The following FGD5 variants were observed in gnomAD, a reference collection of about 807,000 sequenced individuals.
The protein encoded by FGD5 is FYVE, RhoGEF and PH domain-containing protein 5.
A neutral mutation model predicts 133.4 loss-of-function variants in FGD5; 28 were observed. The observed-to-expected ratio is 0.21, with a 90% CI of 0.16 to 0.29. FGD5 has a LOEUF of 0.29. FGD5 is among the 10% of genes least tolerant of loss of function. The pLI is 1.00. For missense variants in FGD5, 1,858 were observed against 1,895.2 expected (o/e 0.98, Z 0.36); for synonymous variants, 810 against 776.5 (o/e 1.04, Z -0.72).
chr3:14,836,329 C>G (rs1359672336), intron 1 of FGD5, among the ~76,000 whole-genome samples: 1 of 152,190 alleles, frequency 6.6e-6, no homozygotes, highest in Non-Finnish European at 1.5e-5. Flanking sequence ...CCCAAGTTTG[C>G]TTGCCGGCTG....
intron 10 of FGD5, among the ~76,000 whole-genome samples, chr3:14,909,396 CG>C (rs2038403604): frequency 6.6e-6 from 1 of 152,184 alleles, no homozygotes; most frequent in African/African-American, 2.4e-5. Flanking sequence ...AATAGTTCCA[CG>C]GGTCAAACAG....
At chr3:14,929,347 C>G (rs1364880275) in intron 18 of FGD5, among the ~76,000 whole-genome samples, 1 of 152,142 alleles carries the variant, frequency 6.6e-6, no homozygotes, top group African/African-American at 2.4e-5. Context: ...TTTTATTTCA[C>G]TTGGGTCATT....
chr3:14,866,715 T>C (rs966268858), intron 2 of FGD5, among the ~76,000 whole-genome samples: 2 of 152,234 alleles, frequency 1.3e-5, no homozygotes, highest in African/African-American at 4.8e-5. Flanking sequence ...GAGCTTTTGA[T>C]TGAGACTAGG....
In FGD5 at chr3:14,820,967, C is replaced by T. The variant is rs146583232; in HGVS notation, c.1896C>T (p.Ser632=). The T allele has an allele frequency of 1.4e-4, 224 of 1,613,982 alleles. No homozygotes were observed. In the African/African-American group the frequency reaches 2.9e-3, roughly 21 times the overall value. The part of the protein sequence containing the change: ...ACITKKPITK[S]SPSLLIESDS... ...TCACCAAGAAGCCCATCACAAAGAG[C>T]TCTCCCTCACTCCTGATCGAGAGCG... The change falls in exon 1 of 20, where the codon AGC becomes AGT. Residue 632 remains serine, a synonymous_variant. Coordinates refer to ENST00000285046, the MANE Select transcript of FGD5 (RefSeq NM_152536.4).
At chr3:14,914,934 A>G (rs1308420942) in intron 11 of FGD5, among the ~76,000 whole-genome samples, 1 of 152,240 alleles carries the variant, frequency 6.6e-6, no homozygotes, top group African/African-American at 2.4e-5. Flanking sequence ...CACTCTTAGA[A>G]GGCAGGGCAA....
intron 1 of FGD5, among the ~76,000 whole-genome samples, chr3:14,844,492 G>A (rs1392225293): frequency 2.6e-5 from 4 of 151,296 alleles, no homozygotes; most frequent in Admixed American, 2.0e-4. Flanking sequence ...GAAGGCAGAG[G>A]AGAAATAGCC....
At chr3:14,886,238 C>A (rs1394443207) in intron 4 of FGD5, among the ~76,000 whole-genome samples, 1 of 152,204 alleles carries the variant, frequency 6.6e-6, no homozygotes, top group African/African-American at 2.4e-5. Context: ...TGTCTCCCAG[C>A]TGGGTTAGTC....
At chr3:14,898,513 C>A (rs1319915248) in intron 6 of FGD5, among the ~76,000 whole-genome samples, 1 of 151,954 alleles carries the variant, frequency 6.6e-6, no homozygotes, top group Non-Finnish European at 1.5e-5. Flanking sequence ...AGGCTTGATA[C>A]TGAGTGTAGC....
intron 9 of FGD5, among the ~76,000 whole-genome samples, 180 bp from the exon 10 acceptor site, chr3:14,907,460 G>A (rs768208080): frequency 3.3e-5 from 5 of 152,224 alleles, no homozygotes; most frequent in Admixed American, 6.5e-5. Context: ...CCATGGTGGT[G>A]GCTCCCTGCA....
chr3:14,930,494 G>A (rs1427598014), intron 18 of FGD5, among the ~76,000 whole-genome samples: 3 of 152,102 alleles, frequency 2.0e-5, no homozygotes, highest in Non-Finnish European at 4.4e-5. Context: ...CTACTTGTGA[G>A]GCCGAGGCAT....
chr3:14,932,688 C>T lies in FGD5; in HGVS notation c.4309C>T (p.Leu1437=), dbSNP rs368964874. 7 of 1,613,974 alleles carry T rather than the reference C, an allele frequency of 4.3e-6. No individual in the cohort carries two copies. Among genetic ancestry groups the T allele is most frequent in the East Asian group, 2.2e-5 (1 of 44,884 alleles). The change falls in exon 19 of 20, where the codon CTA becomes TTA. Residue 1437 remains leucine (L), a synonymous_variant. Transcript: ENST00000285046. ...PIFHLYHKKT[L]FYSFKAEDTN... ...TTTTCACCTTTACCACAAGAAAACC[C>T]TATTTTATAGCTTCAAAGCAGAAGA... is the stretch of plus-strand genomic sequence containing the variant.
At chr3:14,834,673 G>A (rs368480269) in intron 1 of FGD5, among the ~76,000 whole-genome samples, 15 of 152,298 alleles carry the variant, frequency 9.8e-5, no homozygotes, top group East Asian at 9.6e-4. Context: ...TTAATCAGAC[G>A]TTTGCAGAAC....
rs776809083 is a variant in FGD5 at position 14,932,617 on chromosome 3, C to G, written c.4238C>G (p.Thr1413Ser). The change falls in exon 19 of 20, where the codon ACC (threonine) becomes AGC (serine). Residue 1413 changes from threonine (T) to serine (S), a missense_variant. Thr to Ser is a moderately conservative substitution (Grantham distance 58, BLOSUM62 1). This residue lies in a region of FGD5 where 1,824 missense variants were observed against 1,848.9 expected (regional missense o/e 0.99). Transcript: ENST00000285046. Reference sequence around the variant, plus strand: ...GAGAGTATGCCTCTGCTAGGCTTCACCATTGCTCCAGAAAAGGAAGAGGGC... The same window carrying G: ...GAGAGTATGCCTCTGCTAGGCTTCAGCATTGCTCCAGAAAAGGAAGAGGGC... ...ALESMPLLGF[T>S]IAPEKEEGSS... 1.9e-6 allele frequency: 3 copies of G among 1,613,884 alleles called. No individual in the cohort carries two copies. The highest frequency in any genetic ancestry group is 1.3e-5 in the African/African-American group (1 of 74,942).
chr3:14,812,467 G>C (rs947034037), intron 1 of FGD5, among the ~76,000 whole-genome samples: 1 of 152,220 alleles, frequency 6.6e-6, no homozygotes, highest in African/African-American at 2.4e-5. Context: ...CCTTCTCTGA[G>C]AATCTGGGGG....
intron 1 of FGD5, among the ~76,000 whole-genome samples, chr3:14,860,714 C>T (rs2037381425): frequency 6.6e-6 from 1 of 151,986 alleles, no homozygotes; most frequent in South Asian, 2.1e-4. Context: ...TGGCATATAC[C>T]TATAATTCCA....
At chr3:14,931,539 C>T (rs2038899288) in intron 18 of FGD5, 1 of 152,162 alleles carries the variant, frequency 6.6e-6, no homozygotes. Flanking sequence ...CCTCCCACCA[C>T]CATTCTAATA....
intron 1 of FGD5, among the ~76,000 whole-genome samples, chr3:14,843,895 A>G (rs1305755686): frequency 6.6e-6 from 1 of 151,440 alleles, no homozygotes; most frequent in Non-Finnish European, 1.5e-5. Context: ...GGTTTTCGCC[A>G]TGTTGGCCAG....
At chr3:14,896,688 C>A (rs2038145890) in intron 4 of FGD5, among the ~76,000 whole-genome samples, 1 of 152,166 alleles carries the variant, frequency 6.6e-6, no homozygotes, top group South Asian at 2.1e-4. Context: ...TCAGGCTGGT[C>A]TTGAACTCCT....
intron 17 of FGD5, among the ~76,000 whole-genome samples, chr3:14,925,126 A>AAAAAC (rs1203220701): frequency 6.3e-5 from 8 of 127,554 alleles, no homozygotes; most frequent in East Asian, 2.5e-4. Context: ...AAAAAAAAAA[A>AAAAAC]AACACATACA....
Sources: allele counts gnomAD v4.1 joint callset (sites outside exome capture counted in the v4.1 genomes callset), GRCh38; gene constraint gnomAD v4.1.1; regional missense constraint gnomAD v4.1.1; transcripts MANE v1.5; gene names NCBI Gene and HGNC (gene_info 2026-07-23, HGNC 2026-07-21).